Variants in CLIP2 observed in about 807,000 individuals in gnomAD.
CLIP2 encodes CAP-Gly domain-containing linker protein 2.
In CLIP2, 41 loss-of-function variants were observed where a neutral mutation model predicts 111.7. That is an observed-to-expected ratio of 0.37 (90% CI 0.29 to 0.48). The LOEUF (loss-of-function observed/expected upper bound fraction) is 0.48, where lower values mean the gene tolerates loss of function less well. Among genes scored for constraint, CLIP2 ranks in the 20% least tolerant of loss-of-function variants. The pLI, the probability that CLIP2 is intolerant of heterozygous loss-of-function variation, is 0.99. For synonymous variants in CLIP2, 660 were observed against 644.2 expected, an observed-to-expected ratio of 1.02 and a Z score of -0.37; for missense variants, 1,160 against 1,422.1, an observed-to-expected ratio of 0.82 and a Z score of 2.96.
chr7:74,307,917 TGTC>T (rs1788539207), intron 1 of CLIP2, among the ~76,000 whole-genome samples: 1 of 152,148 alleles, frequency 6.6e-6, no homozygotes, highest in African/African-American at 2.4e-5. Context: ...GTAGGTGTGT[TGTC>T]GTGGGAATTC....
intron 7 of CLIP2, among the ~76,000 whole-genome samples, chr7:74,362,786 C>T (rs931034797): frequency 6.6e-5 from 10 of 152,032 alleles, no homozygotes; most frequent in Non-Finnish European, 4.4e-5. Flanking sequence ...CCACCCGCCT[C>T]GGCCTCCCAA....
At chr7:74,331,232 A>T (rs1172388719) in intron 2 of CLIP2, among the ~76,000 whole-genome samples, 3 of 109,676 alleles carry the variant, frequency 2.7e-5, no homozygotes, top group Non-Finnish European at 4.1e-5. Context: ...AAAAAAAAAA[A>T]AAATTCAGGT....
At chr7:74,388,891 G>A in intron 12 of CLIP2, 1 of 453,984 alleles carries the variant, frequency 2.2e-6, no homozygotes, top group Non-Finnish European at 3.8e-6. Context: ...AGGAGTTGGA[G>A]GCTGCAATGA....
intron 2 of CLIP2, among the ~76,000 whole-genome samples, chr7:74,327,375 T>C (rs1357389694): frequency 1.3e-5 from 2 of 152,208 alleles, no homozygotes; most frequent in Non-Finnish European, 2.9e-5. Context: ...ACTGCTGGGA[T>C]TACAGGCGTG....
chr7:74,313,483 C>G (rs868969785), intron 1 of CLIP2, among the ~76,000 whole-genome samples: 1 of 151,812 alleles, frequency 6.6e-6, no homozygotes, highest in African/African-American at 2.4e-5. Flanking sequence ...TGGCATGAAC[C>G]CGGAAGGCAG....
chr7:74,317,908 A>G (rs1554729407), intron 2 of CLIP2, among the ~76,000 whole-genome samples: 5 of 152,184 alleles, frequency 3.3e-5, no homozygotes, highest in Admixed American at 6.5e-5. Flanking sequence ...GAAGAGGAAA[A>G]GGTTCAGGTA....
At chr7:74,347,206 A>G (rs1789819758) in intron 3 of CLIP2, among the ~76,000 whole-genome samples, 1 of 152,126 alleles carries the variant, frequency 6.6e-6, no homozygotes, top group Non-Finnish European at 1.5e-5. Context: ...AGGATGACAG[A>G]GAATTATTGG....
At position 74,333,239 on chromosome 7, in the gene CLIP2, A is replaced by G. The variant is rs569359774; in HGVS notation, c.122-5209A>G. On this transcript the variant is annotated intron_variant, in intron 2 of 16. Transcript: ENST00000223398. ...TGCTCTGTCGCCCAGGCTGGAATGC[A>G]GTGATGCGATTTCAGCTCACTGAAA... Among the ~76,000 whole-genome samples, 8 of 152,238 alleles carry G rather than the reference A, an allele frequency of 5.3e-5. No homozygotes were observed. The East Asian group carries it at 1.5e-3, about 29-fold the overall frequency.
At chr7:74,368,739 T>G (rs989799676) in intron 8 of CLIP2, among the ~76,000 whole-genome samples, 3 of 152,078 alleles carry the variant, frequency 2.0e-5, no homozygotes, top group Admixed American at 6.6e-5. Context: ...AATATCGTTT[T>G]CATTTTTAAT....
chr7:74,369,415 C>T lies in CLIP2; in HGVS notation c.1381-3517C>T, dbSNP rs569097592. On this transcript the variant is annotated intron_variant, in intron 8 of 16. Transcript: ENST00000223398. Reference sequence around the variant, plus strand: ...AAAAAATCCACCAGGCATGGTAGCACGCCTGTAGTCCCAGCTACTTGGGGG... The same window carrying T: ...AAAAAATCCACCAGGCATGGTAGCATGCCTGTAGTCCCAGCTACTTGGGGG... Among the ~76,000 whole-genome samples, 13 of 149,450 alleles carry T rather than the reference C, an allele frequency of 8.7e-5. No homozygotes were observed. The East Asian group carries it at 2.1e-3, about 24-fold the overall frequency.
At chr7:74,354,549 C>A (rs1331436039) in intron 4 of CLIP2, among the ~76,000 whole-genome samples, 2 of 151,984 alleles carry the variant, frequency 1.3e-5, no homozygotes, top group Non-Finnish European at 2.9e-5. Context: ...GGGGAGGCGT[C>A]GGTTGCAGTG....
rs782779017 is a variant in CLIP2, at chr7:74,376,081, T to C, written c.1680T>C (p.Ser560=). 7.5e-6 allele frequency: 12 copies of C among 1,601,352 alleles called. No individual in the cohort carries two copies. The highest frequency in any genetic ancestry group is 1.0e-5 in the Non-Finnish European group (12 of 1,175,056). ...LSASKEHQRE[S]GVLRDKYEKA... Reference sequence around the variant, plus strand: ...CCAGCAAGGAACACCAGAGGGAGAGTGGGGTGCTGCGGGATAAATACGAGA... The same window carrying C: ...CCAGCAAGGAACACCAGAGGGAGAGCGGGGTGCTGCGGGATAAATACGAGA... The change falls in exon 10 of 17, where the codon AGT becomes AGC. Residue 560 remains serine, a synonymous_variant. Coordinates refer to ENST00000223398, the MANE Select transcript of CLIP2 (RefSeq NM_003388.5). The surrounding 1 kb of genome is among the most constrained non-coding windows in gnomAD (Gnocchi z 7.1).
At chr7:74,330,586 G>T (rs1347421551) in intron 2 of CLIP2, among the ~76,000 whole-genome samples, 5 of 151,790 alleles carry the variant, frequency 3.3e-5, no homozygotes, top group African/African-American at 1.2e-4. Context: ...ATTTTTTGTT[G>T]TTCCCTATTC....
chr7:74,370,474 A>G (rs1267344586), intron 8 of CLIP2, among the ~76,000 whole-genome samples: 2 of 151,586 alleles, frequency 1.3e-5, no homozygotes, highest in Admixed American at 6.6e-5. Flanking sequence ...AAAAAAAACT[A>G]ATTTAAAAAT....
At chr7:74,327,179 C>T (rs1050962623) in intron 2 of CLIP2, among the ~76,000 whole-genome samples, 2 of 151,636 alleles carry the variant, frequency 1.3e-5, no homozygotes, top group Admixed American at 6.6e-5. Context: ...CTTGGCTCAC[C>T]GCAACCTCCA....
chr7:74,376,174 G>A lies in CLIP2; in HGVS notation c.1773G>A (p.Glu591=), dbSNP rs1554312785. Residue 591 remains glutamate (E), a synonymous_variant, in exon 10 of 17, where the codon GAG becomes GAA. Transcript: ENST00000223398. The surrounding 1 kb of genome is among the most constrained non-coding windows in gnomAD (Gnocchi z 7.1). The part of the protein sequence containing the change: ...LRAANEKYAQ[E]VAGLKDKVQQ... ...CGGCCAACGAGAAGTACGCACAGGA[G>A]GTGGCGGGCCTGAAGGACAAGGTTC... 1 of 1,611,934 alleles carries A rather than the reference G, an allele frequency of 6.2e-7. No individual in the cohort carries two copies. Among genetic ancestry groups the A allele is most frequent in the Non-Finnish European group, 8.5e-7 (1 of 1,179,074 alleles).
In CLIP2 at chr7:74,400,474, C is replaced by A. The variant is rs782621657; in HGVS notation, c.2985C>A (p.Asp995Glu). ...RLQHQLMSTEDALRDALDQAQ... is the reference protein window; with the variant it reads ...RLQHQLMSTEEALRDALDQAQ... ...AGCACCAGCTGATGAGCACGGAGGA[C>A]GCCCTGCGGGATGCGCTGGACCAGG... is the stretch of plus-strand genomic sequence containing the variant. The change falls in exon 15 of 17, where the codon GAC (aspartate) becomes GAA (glutamate). Residue 995 changes from aspartate (D) to glutamate (E), a missense_variant. By Grantham distance (45) the Asp-to-Glu change is conservative (BLOSUM62 2). Around this residue, in one of 5 missense-constraint regions of CLIP2, gnomAD observed 676 missense variants for 777.8 expected, o/e 0.87. Coordinates refer to ENST00000223398, the MANE Select transcript of CLIP2 (RefSeq NM_003388.5). 6.2e-7 allele frequency: 1 copy of A among 1,614,028 alleles called. No homozygotes were observed.
intron 12 of CLIP2, among the ~76,000 whole-genome samples, chr7:74,388,372 C>T (rs1324649945): frequency 1.3e-5 from 2 of 151,854 alleles, no homozygotes; most frequent in Non-Finnish European, 2.9e-5. Context: ...TGGTGGTGGG[C>T]ACCTGTAATC....
At chr7:74,360,591 C>T (rs2116616786) in intron 7 of CLIP2, among the ~76,000 whole-genome samples, 1 of 152,254 alleles carries the variant, frequency 6.6e-6, no homozygotes, top group South Asian at 2.1e-4. Flanking sequence ...CACTCTGTCA[C>T]CCAGGCTGGA....
Sources: allele counts gnomAD v4.1 joint callset (sites outside exome capture counted in the v4.1 genomes callset), GRCh38; gene constraint gnomAD v4.1.1; regional missense constraint gnomAD v4.1.1; non-coding constraint Gnocchi (gnomAD v3.1); transcripts MANE v1.5; gene names NCBI Gene and HGNC (gene_info 2026-07-23, HGNC 2026-07-21).